Variants in GPR137C observed in about 807,000 individuals in gnomAD.
The protein encoded by GPR137C is integral membrane protein GPR137C.
GPR137C carries 27 observed loss-of-function variants against 43.4 expected under a neutral mutation model. The ratio of observed to expected loss-of-function variants is 0.62; its 90% CI spans 0.46 to 0.86. The LOEUF (loss-of-function observed/expected upper bound fraction) is 0.86. Ranked by LOEUF, GPR137C falls within the 40% of genes least tolerant of loss-of-function variation. GPR137C has a pLI of 0.00. For synonymous variants in GPR137C, 285 were observed against 226.9 expected, an observed-to-expected ratio of 1.26 and a Z score of -2.30; for missense variants, 522 against 534.6, an observed-to-expected ratio of 0.98 and a Z score of 0.23.
At chr14:52,597,259 A>G (rs1006372025) in intron 1 of GPR137C, among the ~76,000 whole-genome samples, 4 of 152,208 alleles carry the variant, frequency 2.6e-5, no homozygotes, top group African/African-American at 9.6e-5. Flanking sequence ...TTTATATCAC[A>G]ATGTATCAAA....
intron 1 of GPR137C, among the ~76,000 whole-genome samples, chr14:52,584,826 A>G (rs1353046574): frequency 6.6e-6 from 1 of 152,020 alleles, no homozygotes; most frequent in East Asian, 1.9e-4. Context: ...GTCTCAAACT[A>G]CTGGCCCCAA....
chr14:52,571,654 G>A (rs901151485), intron 1 of GPR137C, among the ~76,000 whole-genome samples: 2 of 152,014 alleles, frequency 1.3e-5, no homozygotes, highest in Non-Finnish European at 2.9e-5. Context: ...AGGGGGCCGT[G>A]TGAGACTCCA....
At chr14:52,611,227 T>G (rs2039035122) in intron 3 of GPR137C, among the ~76,000 whole-genome samples, 1 of 152,054 alleles carries the variant, frequency 6.6e-6, no homozygotes, top group Non-Finnish European at 1.5e-5. Context: ...ATTATTCACA[T>G]TTCTATATGT....
chr14:52,634,073 A>T, intron 6 of GPR137C, 127 bp downstream of exon 6: 1 of 649,086 alleles, frequency 1.5e-6, no homozygotes, highest in South Asian at 1.9e-5. Flanking sequence ...AAGATCGGCA[A>T]TACTGGAGTT....
At chr14:52,595,764 A>G (rs1003141385) in intron 1 of GPR137C, among the ~76,000 whole-genome samples, 4 of 152,164 alleles carry the variant, frequency 2.6e-5, no homozygotes, top group African/African-American at 7.2e-5. Flanking sequence ...GGGTTAGAAC[A>G]TGCTCCTTTA....
At chr14:52,564,801 ATTGAATGAAG>A (rs1162767470) in intron 1 of GPR137C, among the ~76,000 whole-genome samples, 1 of 152,190 alleles carries the variant, frequency 6.6e-6, no homozygotes, top group Non-Finnish European at 1.5e-5. Flanking sequence ...TTCAGTAAAT[ATTGAATGAAG>A]TTCTTGTTCA....
intron 3 of GPR137C, among the ~76,000 whole-genome samples, chr14:52,608,445 T>C (rs1434619947): frequency 6.6e-6 from 1 of 152,242 alleles, no homozygotes; most frequent in East Asian, 1.9e-4. Flanking sequence ...ATTTGCATTT[T>C]TATATTGCCT....
intron 3 of GPR137C, among the ~76,000 whole-genome samples, chr14:52,604,555 C>G (rs35843809): frequency 1.3e-5 from 2 of 151,944 alleles, no homozygotes; most frequent in African/African-American, 4.8e-5. Flanking sequence ...AAGCGATTCT[C>G]CAGCCTCAGC....
intron 1 of GPR137C, among the ~76,000 whole-genome samples, chr14:52,597,418 C>T (rs1328666015): frequency 2.6e-5 from 4 of 152,120 alleles, no homozygotes; most frequent in African/African-American, 4.8e-5. Context: ...TTACCATGTA[C>T]CTTCACTATT....
intron 1 of GPR137C, among the ~76,000 whole-genome samples, chr14:52,571,976 C>G (rs1421170967): frequency 6.6e-6 from 1 of 152,128 alleles, no homozygotes; most frequent in African/African-American, 2.4e-5. Context: ...CACCTGTACA[C>G]AAATAAACTA....
chr14:52,590,363 A>G (rs910676559), intron 1 of GPR137C, among the ~76,000 whole-genome samples: 5 of 152,214 alleles, frequency 3.3e-5, no homozygotes, highest in Admixed American at 2.6e-4. Context: ...AAAAACTTAA[A>G]AAGTGTATAA....
In GPR137C at chr14:52,601,513, G is replaced by T. The variant is rs982679323; in HGVS notation, c.717+1172G>T. ...GTGTGTGTGTGTATATATATATAGA[G>T]AGAGAGAGAGAGAAGAGAAGAGACA... On this transcript the variant is annotated intron_variant, in intron 3 of 6. Coordinates refer to ENST00000321662, the MANE Select transcript of GPR137C (RefSeq NM_001099652.2). 4.3e-4 allele frequency among the ~76,000 whole-genome samples: 64 copies of T among 149,998 alleles called. 1 individual carries two copies. Among genetic ancestry groups the T allele is most frequent in the East Asian group, 2.7e-3 (14 of 5,170 alleles).
intron 1 of GPR137C, among the ~76,000 whole-genome samples, chr14:52,564,324 G>A (rs2038334085): frequency 6.7e-6 from 1 of 148,922 alleles, no homozygotes; most frequent in South Asian, 2.1e-4. Context: ...ATTGGATCTA[G>A]TTACTCATTA....
At chr14:52,621,387 G>T (rs1354014302) in intron 3 of GPR137C, among the ~76,000 whole-genome samples, 1 of 151,782 alleles carries the variant, frequency 6.6e-6, no homozygotes, top group African/African-American at 2.4e-5. Flanking sequence ...TTACTTACCA[G>T]CATACCTAAC....
chr14:52,604,958 T>C (rs1021986570), intron 3 of GPR137C, among the ~76,000 whole-genome samples: 1 of 152,228 alleles, frequency 6.6e-6, no homozygotes, highest in Non-Finnish European at 1.5e-5. Context: ...TTGGATACTA[T>C]AGCTTTGCAG....
At chr14:52,631,695 C>G (rs1332059836) in intron 3 of GPR137C, among the ~76,000 whole-genome samples, 2 of 152,146 alleles carry the variant, frequency 1.3e-5, no homozygotes, top group African/African-American at 4.8e-5. Context: ...AGGGGACTAA[C>G]AAGCACTCTG....
intron 1 of GPR137C, among the ~76,000 whole-genome samples, chr14:52,557,654 A>G (rs1171683296): frequency 6.6e-6 from 1 of 152,258 alleles, no homozygotes; most frequent in Non-Finnish European, 1.5e-5. Flanking sequence ...TACCTGTAAC[A>G]AAAGACATGA....
chr14:52,611,684 AC>A (rs2039040621), intron 3 of GPR137C: 1 of 437,270 alleles, frequency 2.3e-6, no homozygotes. Flanking sequence ...TAAATTGTAC[AC>A]TACATAGTAC....
intron 1 of GPR137C, among the ~76,000 whole-genome samples, chr14:52,573,443 G>A (rs1019873425): frequency 2.0e-4 from 31 of 152,160 alleles, no homozygotes; most frequent in Middle Eastern, 3.2e-3. Context: ...TCTGATCTTT[G>A]ACAAACCTGA....
Sources: gnomAD v4.1 joint callset for allele counts (sites outside exome capture counted in the v4.1 genomes callset) on GRCh38, gnomAD v4.1.1 for gene constraint, MANE v1.5 for transcripts, NCBI Gene and HGNC (gene_info 2026-07-23, HGNC 2026-07-21) for gene names.